Variants in ITSN1 observed in about 807,000 individuals in gnomAD.
ITSN1 encodes the protein intersectin 1.
ITSN1 carries 58 observed loss-of-function variants against 239.8 expected under a neutral mutation model. That is an observed-to-expected ratio of 0.24 (90% CI 0.20 to 0.30). The LOEUF is 0.30. Ranked by LOEUF, ITSN1 falls within the 10% of genes least tolerant of loss-of-function variation. The pLI is 1.00. For synonymous variants in ITSN1, 780 were observed against 770.8 expected, an observed-to-expected ratio of 1.01 and a Z score of -0.20; for missense variants, 1,558 against 2,103.3, an observed-to-expected ratio of 0.74 and a Z score of 5.07.
intron 1 of ITSN1, 36 bp downstream of exon 1, chr21:33,642,749 C>T (rs993065577): frequency 1.3e-5 from 2 of 152,682 alleles, no homozygotes; most frequent in Non-Finnish European, 2.9e-5. Context: ...GCCTGGACCA[C>T]GGGCGGCTGC....
chr21:33,771,900 AAAGGGGGTTTTCGTTGTGCT>A lies in ITSN1; in HGVS notation c.1043-160_1043-141del, dbSNP rs2069191873. ...GAAGATATAAACAGAGAGGTTAGGC[AAAGGGGGTTTTCGTTGTGCT>A]CATTAACAAGGACACAGAAGCTTAG... On this transcript the variant is annotated intron_variant, in intron 11 of 39. Coordinates refer to ENST00000381318, the MANE Select transcript of ITSN1 (RefSeq NM_003024.3). The A allele has an allele frequency of 4.2e-6, 3 of 707,276 alleles. No homozygotes were observed. The Admixed American group carries it at 8.8e-5, about 21-fold the overall frequency. 43.8% of individuals were successfully genotyped at this position (707,276 alleles called of 1,614,324 possible). A position where few individuals can be genotyped will look rare whatever the true frequency, so the allele number is the denominator to read the frequency against.
chr21:33,671,981 C>A (rs1321314551), intron 1 of ITSN1, among the ~76,000 whole-genome samples: 6 of 151,978 alleles, frequency 3.9e-5, no homozygotes, highest in African/African-American at 1.5e-4. Context: ...AGTGACTCAA[C>A]GCCTGTAATT....
At position 33,652,070 on chromosome 21, in the gene ITSN1, C is replaced by G. The variant is rs145670006; in HGVS notation, c.-33+9357C>G. Among the ~76,000 whole-genome samples, 374 of 152,264 alleles carry G rather than the reference C, an allele frequency of 2.5e-3. 4 individuals carry two copies. The highest frequency in any genetic ancestry group is 8.8e-3 in the African/African-American group (364 of 41,532). The stretch of plus-strand genomic sequence containing the variant: ...TAAAAGCCTACCAAGATCTTACCAT[C>G]CAGTGATAATGACTGTTAATACCCT... On this transcript the variant is annotated intron_variant, in intron 1 of 39. Coordinates refer to ENST00000381318, the MANE Select transcript of ITSN1 (RefSeq NM_003024.3).
At chr21:33,795,311 C>G (rs991957482) in intron 17 of ITSN1, among the ~76,000 whole-genome samples, 1 of 151,980 alleles carries the variant, frequency 6.6e-6, no homozygotes, top group Non-Finnish European at 1.5e-5. Flanking sequence ...TAGCTGGGCA[C>G]GGTGGCACGC....
intron 27 of ITSN1, among the ~76,000 whole-genome samples, chr21:33,830,238 A>G (rs1001106470): frequency 3.3e-5 from 5 of 152,204 alleles, no homozygotes; most frequent in African/African-American, 1.2e-4. Flanking sequence ...GATACTTCCT[A>G]TAAGTCTCAT....
chr21:33,657,349 A>G (rs761100913), intron 1 of ITSN1, among the ~76,000 whole-genome samples: 3 of 152,010 alleles, frequency 2.0e-5, no homozygotes, highest in Non-Finnish European at 4.4e-5. Context: ...ATTTCTTTCC[A>G]TAAGCAGCTG....
At chr21:33,684,054 T>A (rs757572862) in intron 1 of ITSN1, among the ~76,000 whole-genome samples, 2 of 152,160 alleles carry the variant, frequency 1.3e-5, no homozygotes, top group Non-Finnish European at 2.9e-5. Context: ...GCCCTGTGAG[T>A]TAGTCTTCAT....
intron 20 of ITSN1, among the ~76,000 whole-genome samples, chr21:33,806,874 C>G (rs971897784): frequency 6.6e-6 from 1 of 152,182 alleles, no homozygotes; most frequent in Non-Finnish European, 1.5e-5. Flanking sequence ...GTTCCTATTT[C>G]TTGGTCTGCC....
intron 33 of ITSN1, among the ~76,000 whole-genome samples, chr21:33,872,922 G>C (rs546375315): frequency 6.6e-6 from 1 of 152,174 alleles, no homozygotes; most frequent in African/African-American, 2.4e-5. Context: ...TGATAAACCT[G>C]TTTGAATTTT....
intron 27 of ITSN1, among the ~76,000 whole-genome samples, chr21:33,833,915 C>CATT (rs59665729): frequency 0.043 from 6,419 of 149,860 alleles, 351 homozygotes; most frequent in African/African-American, 0.13. Context: ...TATTGGTGGC[C>CATT]ATTATTATTA....
intron 1 of ITSN1, among the ~76,000 whole-genome samples, chr21:33,656,385 TGTA>T (rs1173058672): frequency 5.3e-5 from 8 of 152,232 alleles, no homozygotes; most frequent in Non-Finnish European, 7.3e-5. Flanking sequence ...TTTTAAATGT[TGTA>T]GTATTTCAGT....
At chr21:33,766,414 T>C (rs932452114) in intron 10 of ITSN1, among the ~76,000 whole-genome samples, 3 of 152,128 alleles carry the variant, frequency 2.0e-5, no homozygotes, top group African/African-American at 7.2e-5. Flanking sequence ...GAAATTATAA[T>C]CAGGAAGACA....
At chr21:33,863,377 C>T (rs540962834) in intron 31 of ITSN1, among the ~76,000 whole-genome samples, 11 of 152,338 alleles carry the variant, frequency 7.2e-5, no homozygotes, top group Admixed American at 2.0e-4. Context: ...CGGCCGGGGC[C>T]GGGCACGGTG....
At chr21:33,690,775 G>GTATGTGTATATA (rs2091477064) in intron 1 of ITSN1, among the ~76,000 whole-genome samples, 1 of 21,612 alleles carries the variant, frequency 4.6e-5, no homozygotes, top group African/African-American at 1.6e-4. Context: ...AAAAAAAAGT[G>GTATGTGTATATA]TATATATATA....
intron 1 of ITSN1, among the ~76,000 whole-genome samples, chr21:33,655,016 CT>C (rs1019859591): frequency 4.1e-4 from 60 of 145,334 alleles, no homozygotes; most frequent in Middle Eastern, 3.6e-3. Context: ...TACCTTGTCT[CT>C]TTTTTTTTTT....
intron 29 of ITSN1, among the ~76,000 whole-genome samples, chr21:33,843,054 C>A (rs545304172): frequency 6.6e-6 from 1 of 152,166 alleles, no homozygotes; most frequent in African/African-American, 2.4e-5. Flanking sequence ...ATGTTCTCTG[C>A]GGATTATTCA....
In ITSN1 at chr21:33,817,389, T is replaced by A. The variant is rs1237909215; in HGVS notation, c.2728-878T>A. 2.3e-6 allele frequency: 3 copies of A among 1,304,436 alleles called. No homozygotes were observed. The South Asian group carries it at 3.7e-5, about 16-fold the overall frequency. The allele number at this position is 1,304,436 out of a possible 1,614,324, so 80.8% of individuals were successfully genotyped here. ...TCCTCCGAAGCCCTAGCTGTCAAAGTCCTTCTCATCCTTCAAGGCCCATCT... is the reference window on the plus strand; with the variant it reads ...TCCTCCGAAGCCCTAGCTGTCAAAGACCTTCTCATCCTTCAAGGCCCATCT... On this transcript the variant is annotated intron_variant, in intron 22 of 39. Coordinates refer to ENST00000381318, the MANE Select transcript of ITSN1 (RefSeq NM_003024.3).
intron 4 of ITSN1, among the ~76,000 whole-genome samples, chr21:33,729,394 G>T (rs1278920931): frequency 2.6e-5 from 4 of 151,636 alleles, no homozygotes; most frequent in African/African-American, 9.7e-5. Context: ...CCTGCATTGC[G>T]CTATGATTGT....
chr21:33,796,754 G>T (rs1229304804), intron 17 of ITSN1, among the ~76,000 whole-genome samples: 1 of 152,152 alleles, frequency 6.6e-6, no homozygotes, highest in Admixed American at 6.5e-5. Flanking sequence ...TATGTCATTT[G>T]TTATTACATA....
Sources: allele counts gnomAD v4.1 joint callset (sites outside exome capture counted in the v4.1 genomes callset), GRCh38; gene constraint gnomAD v4.1.1; transcripts MANE v1.5; gene names NCBI Gene and HGNC (gene_info 2026-07-23, HGNC 2026-07-21).